The following COL23A1 variants were observed in gnomAD, a reference collection of about 807,000 sequenced individuals.
COL23A1 encodes the protein collagen alpha-1(XXIII) chain.
A neutral mutation model predicts 99.3 loss-of-function variants in COL23A1; 97 were observed. That is an observed-to-expected ratio of 0.98 (90% CI 0.83 to 1.16). The LOEUF is 1.16. COL23A1 is among the 50% of genes most tolerant of loss of function. The pLI, the probability that COL23A1 is intolerant of heterozygous loss-of-function variation, is 0.00. For synonymous variants in COL23A1, 320 were observed against 308.2 expected (o/e 1.04, Z -0.40); for missense variants, 762 against 757.4 (o/e 1.01, Z -0.07).
At chr5:178,249,987 A>G (rs12522793) in intron 18 of COL23A1, 74 bp downstream of exon 18, 10,545 of 264,760 alleles carry the variant, frequency 0.04, 105 homozygotes, top group Admixed American at 0.23. Flanking sequence ...ATGCACACGC[A>G]CACACACACA....
chr5:178,277,809 G>A (rs948022877), intron 5 of COL23A1, among the ~76,000 whole-genome samples: 6 of 152,190 alleles, frequency 3.9e-5, no homozygotes, highest in African/African-American at 1.4e-4. Flanking sequence ...TGACACATTT[G>A]CCCATGACTG....
At chr5:178,582,668 C>A (rs1322464660) in intron 1 of COL23A1, among the ~76,000 whole-genome samples, 2 of 152,176 alleles carry the variant, frequency 1.3e-5, no homozygotes, top group Admixed American at 6.5e-5. Flanking sequence ...CAGCCCTCAG[C>A]ATTTTCCTCT....
chr5:178,322,281 C>T (rs945691146), intron 2 of COL23A1, among the ~76,000 whole-genome samples: 5 of 152,162 alleles, frequency 3.3e-5, no homozygotes, highest in African/African-American at 4.8e-5. Context: ...CGTGAGCCAC[C>T]GCACCTGGCC....
chr5:178,528,781 GCC>G (rs1760473222), intron 2 of COL23A1, among the ~76,000 whole-genome samples: 1 of 152,242 alleles, frequency 6.6e-6, no homozygotes, highest in Non-Finnish European at 1.5e-5. Flanking sequence ...TTGCACTCCA[GCC>G]TGGGCAACAA....
At chr5:178,463,069 T>A (rs976501921) in intron 2 of COL23A1, among the ~76,000 whole-genome samples, 3 of 152,224 alleles carry the variant, frequency 2.0e-5, no homozygotes, top group African/African-American at 7.2e-5. Context: ...TTAGGTGCAA[T>A]TTCACGCCTC....
chr5:178,371,723 G>A (rs1269050849), intron 2 of COL23A1, among the ~76,000 whole-genome samples: 2 of 152,158 alleles, frequency 1.3e-5, no homozygotes, highest in African/African-American at 2.4e-5. Context: ...CCGATGGTGA[G>A]CTTCCCACCA....
At chr5:178,552,497 G>A (rs1043804149) in intron 2 of COL23A1, among the ~76,000 whole-genome samples, 7 of 151,990 alleles carry the variant, frequency 4.6e-5, no homozygotes, top group Non-Finnish European at 1.0e-4. Flanking sequence ...GAGATTTAAT[G>A]CTTATAAATA....
intron 2 of COL23A1, among the ~76,000 whole-genome samples, chr5:178,496,491 A>C (rs1337120407): frequency 1.3e-5 from 2 of 152,238 alleles, no homozygotes; most frequent in Non-Finnish European, 2.9e-5. Context: ...ATTTGCATAA[A>C]TATTTCAGAT....
intron 2 of COL23A1, among the ~76,000 whole-genome samples, chr5:178,440,502 G>A (rs1324550819): frequency 6.6e-6 from 1 of 152,172 alleles, no homozygotes; most frequent in East Asian, 1.9e-4. Context: ...ACACTAATGG[G>A]TTGTGAAATC....
chr5:178,456,670 C>T (rs1386335759), intron 2 of COL23A1, among the ~76,000 whole-genome samples: 1 of 152,138 alleles, frequency 6.6e-6, no homozygotes, highest in African/African-American at 2.4e-5. Context: ...TGCACTCCAG[C>T]CTGGGCAACA....
intron 2 of COL23A1, among the ~76,000 whole-genome samples, chr5:178,315,502 C>T (rs751438869): frequency 5.3e-5 from 8 of 152,214 alleles, no homozygotes; most frequent in Admixed American, 2.6e-4. Flanking sequence ...CAGGCCAGGG[C>T]GTTTGCCTGC....
chr5:178,498,248 AT>A lies in COL23A1; in HGVS notation c.361+62433del, dbSNP rs1562025714. Among the ~76,000 whole-genome samples the A allele has an allele frequency of 2.0e-3, 144 of 71,708 alleles. 11 individuals are homozygous for A. The highest frequency in any genetic ancestry group is 0.011 in the African/African-American group (131 of 11,628). 47.0% of individuals were successfully genotyped at this position (71,708 alleles called of 152,430 possible). A position where few individuals can be genotyped will look rare whatever the true frequency, so the allele number is the denominator to read the frequency against. ...TATATATATATATATATATATATAT[AT>A]ATATATATAAAAGAACTTAAAAATA... On this transcript the variant is annotated intron_variant, in intron 2 of 28. Transcript: ENST00000390654.
In COL23A1 at chr5:178,501,717, G is replaced by C. The variant is rs539585099; in HGVS notation, c.361+58965C>G. Among the ~76,000 whole-genome samples, 5 of 152,326 alleles carry C rather than the reference G, an allele frequency of 3.3e-5. No individual in the cohort carries two copies. In the East Asian group the frequency reaches 9.6e-4, roughly 29 times the overall value. On this transcript the variant is annotated intron_variant, in intron 2 of 28. Coordinates refer to ENST00000390654, the MANE Select transcript of COL23A1 (RefSeq NM_173465.4). ...TGTGCTGAGGTACGCCAACACCCCTGCTGGGGTAGCCTCAGACAAGGTTAA... is the reference window on the plus strand; with the variant it reads ...TGTGCTGAGGTACGCCAACACCCCTCCTGGGGTAGCCTCAGACAAGGTTAA...
intron 14 of COL23A1, among the ~76,000 whole-genome samples, chr5:178,256,662 G>C (rs910766529): frequency 2.0e-5 from 3 of 152,226 alleles, no homozygotes; most frequent in Admixed American, 1.3e-4. Flanking sequence ...ACAAAGCTGG[G>C]CACCAGTGGA....
intron 2 of COL23A1, among the ~76,000 whole-genome samples, chr5:178,502,355 T>A (rs1008609914): frequency 5.3e-5 from 8 of 152,200 alleles, no homozygotes; most frequent in African/African-American, 1.9e-4. Context: ...ATGGTCTCGA[T>A]CTTCTGACCT....
intron 2 of COL23A1, among the ~76,000 whole-genome samples, chr5:178,553,652 C>G (rs57663317): frequency 0.12 from 18,879 of 152,216 alleles, 2,985 homozygotes; most frequent in African/African-American, 0.37. Flanking sequence ...AACAGCGTGA[C>G]GGGCAGAAGC....
intron 2 of COL23A1, among the ~76,000 whole-genome samples, chr5:178,322,380 C>A (rs990145495): frequency 1.3e-5 from 2 of 152,220 alleles, no homozygotes; most frequent in African/African-American, 4.8e-5. Context: ...AGTGATCCAC[C>A]TGCCTTGGTC....
chr5:178,363,986 C>G (rs577116934), intron 2 of COL23A1, among the ~76,000 whole-genome samples: 2 of 152,234 alleles, frequency 1.3e-5, no homozygotes, highest in Non-Finnish European at 2.9e-5. Flanking sequence ...CTTCGCTTTG[C>G]GGCCCTCCTG....
intron 2 of COL23A1, among the ~76,000 whole-genome samples, chr5:178,347,515 T>A (rs1366522587): frequency 6.6e-6 from 1 of 151,874 alleles, no homozygotes; most frequent in Non-Finnish European, 1.5e-5. Flanking sequence ...GGCTGCACAG[T>A]GTGTGAATAC....
Sources: allele counts gnomAD v4.1 joint callset (sites outside exome capture counted in the v4.1 genomes callset), GRCh38; gene constraint gnomAD v4.1.1; transcripts MANE v1.5; gene names NCBI Gene and HGNC (gene_info 2026-07-23, HGNC 2026-07-21).